AK8: variants seen among roughly 807,000 people sequenced by gnomAD.
AK8 encodes the protein adenylate kinase 8, also known as ATP-AMP transphosphorylase 8.
A neutral mutation model predicts 54.6 loss-of-function variants in AK8; 44 were observed. That is an observed-to-expected ratio of 0.81 (90% CI 0.63 to 1.04). The LOEUF (loss-of-function observed/expected upper bound fraction) is 1.04. Ranked by LOEUF, AK8 falls within the 50% of genes least tolerant of loss-of-function variation. The probability of loss-of-function intolerance (pLI) is 0.00; values close to 1 mark genes in which losing one functional copy is unlikely to be tolerated. For missense variants in AK8, 555 were observed against 613.6 expected, an observed-to-expected ratio of 0.90 and a Z score of 1.01; for synonymous variants, 239 against 245.6, an observed-to-expected ratio of 0.97 and a Z score of 0.25.
chr9:132,779,334 T>C (rs1839363593), intron 11 of AK8, among the ~76,000 whole-genome samples: 1 of 152,226 alleles, frequency 6.6e-6, no homozygotes, highest in African/African-American at 2.4e-5. Flanking sequence ...TTTATTCATT[T>C]TCGGAGAGAC....
intron 11 of AK8, among the ~76,000 whole-genome samples, chr9:132,748,611 T>C (rs2131004412): frequency 6.6e-6 from 1 of 152,060 alleles, no homozygotes; most frequent in Admixed American, 6.6e-5. Context: ...ACAGATCTAG[T>C]GGTGAATGAG....
intron 11 of AK8, among the ~76,000 whole-genome samples, chr9:132,776,240 T>C (rs775649504): frequency 1.2e-4 from 19 of 152,170 alleles, no homozygotes; most frequent in Admixed American, 5.9e-4. Context: ...TCACCACCAT[T>C]ACTGGCCACA....
intron 11 of AK8, among the ~76,000 whole-genome samples, chr9:132,780,859 T>C (rs4962215): frequency 0.67 from 101,796 of 151,944 alleles, 34,221 homozygotes; most frequent in East Asian, 0.81. Flanking sequence ...TCCTTTTACA[T>C]CCTTTTCCGG....
Position 132,792,593 on chromosome 9 carries a change from G to C in AK8, c.1121+41C>G. The stretch of plus-strand genomic sequence containing the variant: ...CTGAGCCCTGGAGAGGGGGTGCCCA[G>C]GGGCTTGGCCAGGGCTGCTGGCTTG... On this transcript the variant is annotated intron_variant, in intron 11 of 12. Coordinates refer to ENST00000298545, the MANE Select transcript of AK8 (RefSeq NM_152572.3). 3 of 1,535,032 alleles carry C rather than the reference G, an allele frequency of 2.0e-6. No homozygotes were observed. The South Asian group carries it at 3.6e-5, about 19-fold the overall frequency.
intron 10 of AK8, among the ~76,000 whole-genome samples, chr9:132,795,807 T>G (rs545944690): frequency 6.6e-6 from 1 of 152,198 alleles, no homozygotes; most frequent in South Asian, 2.1e-4. Context: ...AACCAAATGA[T>G]GGGAGGCTGA....
chr9:132,760,600 C>G (rs898314602), intron 11 of AK8, among the ~76,000 whole-genome samples: 1 of 152,064 alleles, frequency 6.6e-6, no homozygotes, highest in Non-Finnish European at 1.5e-5. Context: ...GTCTTTACTG[C>G]ACTGTTTAAT....
rs214635 is a variant in AK8, at chr9:132,860,478, G to A, written c.333+3187C>T. ...CATCTGGCGGACTCGAACGCAGGTA[G>A]AGGACAGGGAGAGTTCTAGAGGAAA... On this transcript the variant is annotated intron_variant, in intron 4 of 12. Transcript: ENST00000298545. The surrounding 1 kb of genome is among the most constrained non-coding windows in gnomAD (Gnocchi z 4.4). 0.21 allele frequency among the ~76,000 whole-genome samples: 31,673 copies of A among 152,184 alleles called. 3,582 individuals carry two copies. The highest frequency in any genetic ancestry group is 0.44 in the East Asian group (2,252 of 5,158).
chr9:132,865,078 T>G (rs1843532535), intron 3 of AK8, among the ~76,000 whole-genome samples: 1 of 152,140 alleles, frequency 6.6e-6, no homozygotes, highest in Admixed American at 6.5e-5. Flanking sequence ...GAACCTGCAT[T>G]TTTCATAGCA....
At chr9:132,875,061 G>GGAGGAGGAGGGGAAGGGAA in intron 2 of AK8, 54 bp downstream of exon 2, 1 of 1,602,194 alleles carries the variant, frequency 6.2e-7, no homozygotes, top group South Asian at 1.1e-5. Flanking sequence ...AGAAGGGGAA[G>GGAGGAGGAGGGGAAGGGAA]GAGGAGGAGG....
intron 10 of AK8, 129 bp from the exon 11 acceptor site, chr9:132,792,904 T>C: frequency 8.6e-6 from 10 of 1,166,712 alleles, no homozygotes; most frequent in Non-Finnish European, 1.2e-5. Context: ...TTGGAACCAC[T>C]TGGACAAGGT....
rs1844217396 is a variant in AK8 at position 132,878,039 on chromosome 9, G to A, written c.84+133C>T. 4 of 1,537,144 alleles carry A rather than the reference G, an allele frequency of 2.6e-6. No individual in the cohort carries two copies. The East Asian group carries it at 9.9e-5, about 38-fold the overall frequency. On this transcript the variant is annotated intron_variant, in intron 1 of 12. Coordinates refer to ENST00000298545, the MANE Select transcript of AK8 (RefSeq NM_152572.3). The surrounding 1 kb of genome is among the most constrained non-coding windows in gnomAD (Gnocchi z 4.7). ...TCGGGGTCACGGCGACACACGAATC[G>A]TACATCCCGAGTTGGGCTGCTTCGT... is the stretch of plus-strand genomic sequence containing the variant.
chr9:132,866,350 C>A (rs569980146), intron 3 of AK8, among the ~76,000 whole-genome samples: 2 of 151,884 alleles, frequency 1.3e-5, no homozygotes, highest in African/African-American at 4.8e-5. Flanking sequence ...CAGGCATTTG[C>A]TGTATCTTCA....
intron 1 of AK8, among the ~76,000 whole-genome samples, chr9:132,876,123 A>G (rs1339493219): frequency 6.6e-6 from 1 of 152,130 alleles, no homozygotes; most frequent in Non-Finnish European, 1.5e-5. Flanking sequence ...GCAGGGAAAG[A>G]GCACCGAGCC....
At chr9:132,743,939 C>T (rs888760119) in intron 11 of AK8, among the ~76,000 whole-genome samples, 1 of 152,208 alleles carries the variant, frequency 6.6e-6, no homozygotes, top group Non-Finnish European at 1.5e-5. Flanking sequence ...AATAATCGTG[C>T]TTTGTTCCCT....
intron 5 of AK8, among the ~76,000 whole-genome samples, chr9:132,849,499 A>C (rs866576191): frequency 7.2e-5 from 11 of 152,098 alleles, no homozygotes; most frequent in Middle Eastern, 3.4e-3. Flanking sequence ...ACATGTGTCC[A>C]CCCCCGATTT....
chr9:132,852,769 C>CAAAAAAAAAAAAAA (rs35786801), intron 5 of AK8, among the ~76,000 whole-genome samples: 1 of 16,424 alleles, frequency 6.1e-5, no homozygotes, highest in African/African-American at 2.0e-4. Context: ...GATTAGGTCT[C>CAAAAAAAAAAAAAA]AAAAAAAAAA....
rs200620331 is a variant in AK8 at position 132,838,943 on chromosome 9, A to AT, written c.403-10218dup. Among the ~76,000 whole-genome samples the AT allele has an allele frequency of 6.0e-3, 919 of 152,068 alleles. 3 individuals are homozygous for AT. Among genetic ancestry groups the AT allele is most frequent in the African/African-American group, 0.018 (735 of 41,476 alleles). On this transcript the variant is annotated intron_variant, in intron 5 of 12. Transcript: ENST00000298545. ...AGCTGAGCATTCTGTGTACCTTATT[A>AT]TTTTTTTATTTTTTTGTTGAGACCG...
intron 4 of AK8, among the ~76,000 whole-genome samples, chr9:132,855,937 C>T (rs117201409): frequency 0.03 from 4,513 of 152,046 alleles, 130 homozygotes; most frequent in Middle Eastern, 0.048. Flanking sequence ...TAAGCCAATC[C>T]GCATACCCCA....
intron 5 of AK8, among the ~76,000 whole-genome samples, chr9:132,849,864 G>A (rs975505793): frequency 1.3e-5 from 2 of 151,712 alleles, no homozygotes; most frequent in Admixed American, 6.6e-5. Flanking sequence ...TCCTGCCTCA[G>A]CCTCCCGAGT....
Sources: allele counts gnomAD v4.1 joint callset (sites outside exome capture counted in the v4.1 genomes callset), GRCh38; gene constraint gnomAD v4.1.1; non-coding constraint Gnocchi (gnomAD v3.1); transcripts MANE v1.5; gene names NCBI Gene and HGNC (gene_info 2026-07-23, HGNC 2026-07-21).